JAK3: variants seen among roughly 807,000 people sequenced by gnomAD.
JAK3 encodes tyrosine-protein kinase JAK3.
In JAK3, 88 loss-of-function variants were observed where a neutral mutation model predicts 120.8. That is an observed-to-expected ratio of 0.73 (90% CI 0.61 to 0.87). The LOEUF is 0.87. JAK3 is among the 40% of genes least tolerant of loss of function. JAK3 has a pLI of 0.00. For missense variants in JAK3, 1,254 were observed against 1,501.4 expected, an observed-to-expected ratio of 0.84 and a Z score of 2.72; for synonymous variants, 592 against 628.6, an observed-to-expected ratio of 0.94 and a Z score of 0.87.
rs1568404455 is a variant in JAK3 at position 17,838,270 on chromosome 19, AG to A, written c.1561del (p.Leu521TrpfsTer35). On this transcript the variant is annotated frameshift_variant, in exon 11 of 24. Coordinates refer to ENST00000458235, the MANE Select transcript of JAK3 (RefSeq NM_000215.4). LOFTEE classifies it high-confidence loss of function. ...TTTCCCAGGGCCTCTTACCCACTCC[AG>A]GCTGTCAGCAGGGATCTTGTGAAAT... is the stretch of plus-strand genomic sequence containing the variant. ...MTFHKIPADS[L>X]EWHENLGHGS... The A allele has an allele frequency of 1.2e-6, 2 of 1,614,004 alleles. No homozygotes were observed. The highest frequency in any genetic ancestry group is 2.7e-5 in the African/African-American group (2 of 74,906).
At chr19:17,830,449 C>T (rs2094211739) in intron 22 of JAK3, 54 bp downstream of exon 22, 5 of 1,420,370 alleles carry the variant, frequency 3.5e-6, no homozygotes, top group South Asian at 1.2e-5. Context: ...TGGAGATTGG[C>T]CACGAGGGGC....
chr19:17,843,065 C>T lies in JAK3; in HGVS notation c.528G>A (p.Glu176=), dbSNP rs770018197. The change falls in exon 5 of 24, where the codon GAG becomes GAA. Residue 176 remains glutamate (E), a synonymous_variant. Transcript: ENST00000458235. This position sits in a 1 kb window ranked among gnomAD's most constrained non-coding sequence, Gnocchi z 5.4. Reference sequence around the variant, plus strand: ...GCAGCTCTCCCGGCCGCTGGGCCTGCTCTCGCGCCATCCGGGCCAGGTCCA... The same window carrying T: ...GCAGCTCTCCCGGCCGCTGGGCCTGTTCTCGCGCCATCCGGGCCAGGTCCA... ...AVLDLARMAR[E]QAQRPGELLK... The T allele has an allele frequency of 7.4e-6, 12 of 1,610,832 alleles. No individual in the cohort carries two copies. The East Asian group carries it at 1.6e-4, about 21-fold the overall frequency.
In JAK3 at chr19:17,841,086, C is replaced by T. The variant is rs1197623930; in HGVS notation, c.1142+303G>A. Among the ~76,000 whole-genome samples, 1 of 152,084 alleles carries T rather than the reference C, an allele frequency of 6.6e-6. No individual in the cohort carries two copies. Among genetic ancestry groups the T allele is most frequent in the Non-Finnish European group, 1.5e-5 (1 of 68,014 alleles). On this transcript the variant is annotated intron_variant, in intron 8 of 23. Transcript: ENST00000458235. This position sits in a 1 kb window ranked among gnomAD's most constrained non-coding sequence, Gnocchi z 4.1. ...CCTGCCTTGGCCCCTCAAAGCGCTG[C>T]GATTGCAGGTGTGCCCCACTATGCC...
chr19:17,825,522 A>C lies in JAK3; in HGVS notation c.*1221T>G, dbSNP rs1035345922. ...AGATACACGGGCTCCCCTAAAAGGCAGAGTCCCAGCCACAGCAACTGCTCT... is the reference window on the plus strand; with the variant it reads ...AGATACACGGGCTCCCCTAAAAGGCCGAGTCCCAGCCACAGCAACTGCTCT... On this transcript the variant is annotated 3_prime_UTR_variant, in exon 24 of 24. Coordinates refer to ENST00000458235, the MANE Select transcript of JAK3 (RefSeq NM_000215.4). The C allele has an allele frequency of 4.9e-6, 1 of 204,940 alleles. No homozygotes were observed. The highest frequency in any genetic ancestry group is 2.3e-5 in the African/African-American group (1 of 43,688). 12.7% of individuals were successfully genotyped at this position (204,940 alleles called of 1,614,324 possible).
intron 13 of JAK3, chr19:17,836,797 G>A: frequency 2.1e-6 from 1 of 468,378 alleles, no homozygotes; most frequent in Non-Finnish European, 4.0e-6. Context: ...TCACATTCTA[G>A]GCTCTGTCCC....
intron 1 of JAK3, among the ~76,000 whole-genome samples, chr19:17,846,461 C>A (rs954022284): frequency 3.9e-5 from 6 of 152,168 alleles, no homozygotes; most frequent in Non-Finnish European, 8.8e-5. Flanking sequence ...GTCCCGGGAA[C>A]CTTGGAGGAG....
chr19:17,841,859 C>T lies in JAK3; in HGVS notation c.862-97G>A. 5 of 1,553,250 alleles carry T rather than the reference C, an allele frequency of 3.2e-6. No individual in the cohort carries two copies. The highest frequency in any genetic ancestry group is 4.4e-6 in the Non-Finnish European group (5 of 1,145,130). ...CCAAGCCACACCATCCACTCCCTAT[C>T]CCTTTGCCATTCAACCCTTCCAAGC... On this transcript the variant is annotated intron_variant, in intron 6 of 23. Coordinates refer to ENST00000458235, the MANE Select transcript of JAK3 (RefSeq NM_000215.4). This position sits in a 1 kb window ranked among gnomAD's most constrained non-coding sequence, Gnocchi z 4.1.
At position 17,840,297 on chromosome 19, in the gene JAK3, G is replaced by A. The variant is rs149047410; in HGVS notation, c.1187C>T (p.Pro396Leu). The A allele has an allele frequency of 2.5e-4, 403 of 1,614,006 alleles. 1 individual carries two copies. In the South Asian group the frequency reaches 3.9e-3, roughly 15 times the overall value. ...GCTGCGGCGGAGAACATAGGAGCCA[G>A]GACGTGAGCCCCCAGTCTTGAGCTT... The part of the protein sequence containing the change: ...INKLKTGGSR[P>L]GSYVLRRSPQ... Residue 396 changes from proline to leucine, a missense_variant, in exon 9 of 24, where the codon CCT (proline) becomes CTT (leucine). Pro to Leu is a moderately conservative substitution (Grantham distance 98). Coordinates refer to ENST00000458235, the MANE Select transcript of JAK3 (RefSeq NM_000215.4).
chr19:17,837,167 T>A lies in JAK3; in HGVS notation c.1748A>T (p.His583Leu). Residue 583 changes from histidine (H) to leucine (L), a missense_variant, in exon 13 of 24, where the codon CAT (histidine) becomes CTT (leucine). By Grantham distance (99) the His-to-Leu change is moderately conservative. Transcript: ENST00000458235. ...ASLMSQVSYR[H>L]LVLLHGVCMA... ...GCACACGCCGTGGAGCAGCACGAGA[T>A]GCCGGTACGACACTTGGCTCATCAA... The A allele has an allele frequency of 6.4e-7, 1 of 1,569,734 alleles. No individual in the cohort carries two copies.
intron 17 of JAK3, 36 bp downstream of exon 17, chr19:17,834,535 C>T (rs1253588057): frequency 6.2e-7 from 1 of 1,612,742 alleles, no homozygotes; most frequent in South Asian, 1.1e-5. Flanking sequence ...AATATGACAT[C>T]ACAGCCCTCC....
chr19:17,834,841 G>A lies in JAK3; in HGVS notation c.2199+11C>T, dbSNP rs1380361871. On this transcript the variant is annotated intron_variant, in intron 16 of 23. Coordinates refer to ENST00000458235, the MANE Select transcript of JAK3 (RefSeq NM_000215.4). ...GGGTTCGGAGACCGATGCCGGGTGA[G>A]GGGCTCTGACCTTAGCAGGATCCAG... The A allele has an allele frequency of 4.3e-6, 7 of 1,613,702 alleles. No homozygotes were observed. The highest frequency in any genetic ancestry group is 5.9e-6 in the Non-Finnish European group (7 of 1,179,768).
In JAK3 at chr19:17,841,890, C is replaced by T. The variant is rs894777461; in HGVS notation, c.862-128G>A. On this transcript the variant is annotated intron_variant, in intron 6 of 23. Coordinates refer to ENST00000458235, the MANE Select transcript of JAK3 (RefSeq NM_000215.4). The surrounding 1 kb of genome is among the most constrained non-coding windows in gnomAD (Gnocchi z 4.1). ...GCCATTCAACCCTTCCAAGCCGCGC[C>T]CCCTCCTATCAACTCCAACCTCTCA... The T allele has an allele frequency of 7.6e-7, 1 of 1,314,166 alleles. No individual in the cohort carries two copies. Among genetic ancestry groups the T allele is most frequent in the Non-Finnish European group, 1.1e-6 (1 of 952,076 alleles). The allele number at this position is 1,314,166 out of a possible 1,614,324, so 81.4% of individuals were successfully genotyped here. A position where few individuals can be genotyped will look rare whatever the true frequency, so the allele number is the denominator to read the frequency against.
chr19:17,844,997 G>A (rs954419678), intron 1 of JAK3, among the ~76,000 whole-genome samples: 6 of 151,910 alleles, frequency 3.9e-5, no homozygotes, highest in Non-Finnish European at 7.4e-5. Flanking sequence ...GAGAAAAATT[G>A]GGGAGAAAAA....
At position 17,831,465 on chromosome 19, in the gene JAK3, T is replaced by A. The variant is rs569719593; in HGVS notation, c.2806-65A>T. On this transcript the variant is annotated intron_variant, in intron 20 of 23. Transcript: ENST00000458235. The surrounding 1 kb of genome is among the most constrained non-coding windows in gnomAD (Gnocchi z 5.1). ...GATAATCCGGCAGGTACCCCAAGCG[T>A]GACCTGGCACCCCAACCCAGACCCC... 21 of 1,585,982 alleles carry A rather than the reference T, an allele frequency of 1.3e-5. No homozygotes were observed. In the African/African-American group the frequency reaches 2.3e-4, roughly 17 times the overall value.
In JAK3 at chr19:17,843,675, T is replaced by C; in HGVS notation, c.308+102A>G. On this transcript the variant is annotated intron_variant, in intron 3 of 23. Transcript: ENST00000458235. This position sits in a 1 kb window ranked among gnomAD's most constrained non-coding sequence, Gnocchi z 5.4. Reference sequence around the variant, plus strand: ...CTGGTCTGTTTCCTCATCTGAGAAATGGGTAGTGACCATACCTCCCTGGGG... The same window carrying C: ...CTGGTCTGTTTCCTCATCTGAGAAACGGGTAGTGACCATACCTCCCTGGGG... 6.9e-7 allele frequency: 1 copy of C among 1,439,362 alleles called. No homozygotes were observed. The highest frequency in any genetic ancestry group is 9.8e-7 in the Non-Finnish European group (1 of 1,022,632). 89.2% of individuals were successfully genotyped at this position (1,439,362 alleles called of 1,614,324 possible). A position where few individuals can be genotyped will look rare whatever the true frequency, so the allele number is the denominator to read the frequency against.
At position 17,826,620 on chromosome 19, in the gene JAK3, A is replaced by G. The variant is rs3008; in HGVS notation, c.*123T>C. The stretch of plus-strand genomic sequence containing the variant: ...CGGGAGCCCCCCCAAATGCAATGTC[A>G]TGGGGGTGTTCCTGAAGTAGAGGAC... On this transcript the variant is annotated 3_prime_UTR_variant, in exon 24 of 24. Coordinates refer to ENST00000458235, the MANE Select transcript of JAK3 (RefSeq NM_000215.4). 514,545 of 1,054,640 alleles carry G rather than the reference A, an allele frequency of 0.49. 126,994 individuals are homozygous for G. Among genetic ancestry groups the G allele is most frequent in the African/African-American group, 0.64 (40,886 of 64,176 alleles). 65.3% of individuals were successfully genotyped at this position (1,054,640 alleles called of 1,614,324 possible). A position where few individuals can be genotyped will look rare whatever the true frequency, so the allele number is the denominator to read the frequency against.
intron 23 of JAK3, among the ~76,000 whole-genome samples, chr19:17,828,225 CTTTGT>C (rs71967621): frequency 0.091 from 12,427 of 137,284 alleles, 583 homozygotes; most frequent in East Asian, 0.22. Context: ...ATAATTTTGT[CTTTGT>C]TTTGTTTTGT....
chr19:17,840,143 C>A (rs1040039658), intron 9 of JAK3, 87 bp downstream of exon 9: 4 of 910,256 alleles, frequency 4.4e-6, no homozygotes, highest in South Asian at 1.4e-5. Context: ...TCTTCAGGAA[C>A]CAAATGCTGA....
chr19:17,841,607 T>A lies in JAK3; in HGVS notation c.984+33A>T, dbSNP rs1001957224. 6 of 1,612,208 alleles carry A rather than the reference T, an allele frequency of 3.7e-6. No individual in the cohort carries two copies. Among genetic ancestry groups the A allele is most frequent in the Non-Finnish European group, 5.1e-6 (6 of 1,179,262 alleles). ...GAGGGTGCCGGTCCCGCCCTCGGGG[T>A]AAGGCTGAAGGGGAGGGGAATCCTG... On this transcript the variant is annotated intron_variant, in intron 7 of 23. Transcript: ENST00000458235. This position sits in a 1 kb window ranked among gnomAD's most constrained non-coding sequence, Gnocchi z 4.1.
Sources: gnomAD v4.1 joint callset for allele counts (sites outside exome capture counted in the v4.1 genomes callset) on GRCh38, gnomAD v4.1.1 for gene constraint, Gnocchi (gnomAD v3.1) non-coding constraint, MANE v1.5 for transcripts, NCBI Gene and HGNC (gene_info 2026-07-23, HGNC 2026-07-21) for gene names.